FAM184A: variants seen among roughly 807,000 people sequenced by gnomAD.
FAM184A encodes family with sequence similarity 184 member A, also known as protein FAM184A.
FAM184A carries 99 observed loss-of-function variants against 143.8 expected under a neutral mutation model. The observed-to-expected ratio is 0.69, with a 90% CI of 0.58 to 0.81. The LOEUF (loss-of-function observed/expected upper bound fraction) is 0.81, where lower values mean the gene tolerates loss of function less well. Ranked by LOEUF, FAM184A falls within the 40% of genes least tolerant of loss-of-function variation. FAM184A has a pLI of 0.00. For missense variants in FAM184A, 1,217 were observed against 1,310.5 expected (o/e 0.93, Z 1.10); for synonymous variants, 427 against 446.4 (o/e 0.96, Z 0.55).
At chr6:118,989,163 A>AT (rs1435596305) in intron 9 of FAM184A, among the ~76,000 whole-genome samples, 1 of 151,734 alleles carries the variant, frequency 6.6e-6, no homozygotes, top group Admixed American at 6.6e-5. Context: ...GGGTTTCACC[A>AT]TGTTAGCCAG....
chr6:119,015,500 C>A (rs1400459001), intron 5 of FAM184A, among the ~76,000 whole-genome samples: 1 of 152,182 alleles, frequency 6.6e-6, no homozygotes. Context: ...ACTGGGTCCC[C>A]CAGCAGTGCC....
chr6:119,121,896 G>C (rs1789223901), intron 1 of FAM184A, among the ~76,000 whole-genome samples: 1 of 152,114 alleles, frequency 6.6e-6, no homozygotes, highest in African/African-American at 2.4e-5. Context: ...TTTCTATGTA[G>C]ACTCTTGGTA....
intron 1 of FAM184A, among the ~76,000 whole-genome samples, chr6:119,130,623 C>G (rs1789510458): frequency 6.6e-6 from 1 of 152,172 alleles, no homozygotes; most frequent in South Asian, 2.1e-4. Flanking sequence ...TTAAGAAACA[C>G]AGAACTGCCT....
At chr6:119,088,917 T>C (rs1369167560) in intron 1 of FAM184A, among the ~76,000 whole-genome samples, 1 of 152,174 alleles carries the variant, frequency 6.6e-6, no homozygotes, top group Non-Finnish European at 1.5e-5. Flanking sequence ...AGAATCAGAA[T>C]CTTGGTTGGT....
chr6:119,047,239 G>A (rs1282524668), intron 1 of FAM184A, among the ~76,000 whole-genome samples: 2 of 152,114 alleles, frequency 1.3e-5, no homozygotes, highest in African/African-American at 4.8e-5. Context: ...ACAAATGCTG[G>A]CAAGGATATG....
intron 1 of FAM184A, among the ~76,000 whole-genome samples, chr6:119,087,799 G>A (rs1397269391): frequency 3.9e-5 from 6 of 152,162 alleles, no homozygotes; most frequent in Admixed American, 1.3e-4. Context: ...TTTGTACACC[G>A]ATTGTCACAG....
At chr6:119,057,843 GT>G (rs68038422) in intron 1 of FAM184A, 119,466 of 141,044 alleles carry the variant, frequency 0.85, 50,535 homozygotes, top group East Asian at 0.95. Flanking sequence ...TCTCTTCTGT[GT>G]TTTTTTTTTT....
chr6:119,035,213 C>A (rs1356755443), intron 1 of FAM184A, among the ~76,000 whole-genome samples: 1 of 152,176 alleles, frequency 6.6e-6, no homozygotes. Context: ...CCCCAAAGAA[C>A]TGAATGGACT....
rs564339913 is a variant in FAM184A, at chr6:119,064,069, T to C, written c.159+14072A>G. 3.3e-5 allele frequency among the ~76,000 whole-genome samples: 5 copies of C among 152,258 alleles called. No homozygotes were observed. In the East Asian group the frequency reaches 9.7e-4, roughly 29 times the overall value. The stretch of plus-strand genomic sequence containing the variant: ...CTTATCCACCTCTGAAGTCTTCATA[T>C]AGCCTCCTCTCAGGCTACCACTCCT... On this transcript the variant is annotated intron_variant, in intron 1 of 17. Coordinates refer to ENST00000338891, the MANE Select transcript of FAM184A (RefSeq NM_024581.6).
chr6:119,043,117 T>G (rs772318452), intron 1 of FAM184A, among the ~76,000 whole-genome samples: 1 of 151,976 alleles, frequency 6.6e-6, no homozygotes, highest in Non-Finnish European at 1.5e-5. Flanking sequence ...ACCTAGAATG[T>G]AGAAATATAA....
At chr6:118,973,078 A>G (rs185041228) in intron 14 of FAM184A, among the ~76,000 whole-genome samples, 1 of 152,200 alleles carries the variant, frequency 6.6e-6, no homozygotes, top group Non-Finnish European at 1.5e-5. Flanking sequence ...ATGATGGAGA[A>G]AGAATCATAA....
intron 1 of FAM184A, among the ~76,000 whole-genome samples, chr6:119,060,011 TCA>T (rs1787165241): frequency 2.6e-5 from 4 of 152,220 alleles, no homozygotes; most frequent in South Asian, 4.1e-4. Flanking sequence ...CACTAACAAA[TCA>T]CAGTGTATAT....
At chr6:119,136,233 G>T (rs1487876318) in intron 1 of FAM184A, among the ~76,000 whole-genome samples, 1 of 142,020 alleles carries the variant, frequency 7.0e-6, no homozygotes, top group African/African-American at 2.7e-5. Flanking sequence ...AGCCGAGATT[G>T]CGCCACTGCA....
chr6:119,034,688 T>C (rs898952917), intron 1 of FAM184A, among the ~76,000 whole-genome samples: 8 of 152,080 alleles, frequency 5.3e-5, no homozygotes, highest in Non-Finnish European at 1.5e-5. Context: ...CTTTATTTTA[T>C]AGGTTTTTAA....
At chr6:119,097,581 C>T (rs963867601) in intron 1 of FAM184A, among the ~76,000 whole-genome samples, 6 of 152,282 alleles carry the variant, frequency 3.9e-5, no homozygotes, top group Middle Eastern at 3.4e-3. Flanking sequence ...GCTCATAACT[C>T]CCATAGCCCT....
At chr6:119,004,831 C>G (rs1784873184) in intron 7 of FAM184A, among the ~76,000 whole-genome samples, 1 of 151,972 alleles carries the variant, frequency 6.6e-6, no homozygotes, top group African/African-American at 2.4e-5. Context: ...GAAAAAAGAC[C>G]TGAAAGAAAT....
rs1417116088 is a variant in FAM184A, at chr6:119,019,965, C to T, written c.1332+13G>A. 6.5e-7 allele frequency: 1 copy of T among 1,532,792 alleles called. No homozygotes were observed. Among genetic ancestry groups the T allele is most frequent in the African/African-American group, 1.4e-5 (1 of 70,762 alleles). The allele number at this position is 1,532,792 out of a possible 1,614,324, so 94.9% of individuals were successfully genotyped here. A position where few individuals can be genotyped will look rare whatever the true frequency, so the allele number is the denominator to read the frequency against. On this transcript the variant is annotated intron_variant, in intron 4 of 17. Coordinates refer to ENST00000338891, the MANE Select transcript of FAM184A (RefSeq NM_024581.6). ...ACTCTTTCGGGGGGAATGGAGTGTCCATTACTTTTTACCTTCTCCAGTTCT... is the reference window on the plus strand; with the variant it reads ...ACTCTTTCGGGGGGAATGGAGTGTCTATTACTTTTTACCTTCTCCAGTTCT...
intron 9 of FAM184A, among the ~76,000 whole-genome samples, chr6:119,000,216 T>A (rs996459284): frequency 1.2e-4 from 18 of 152,222 alleles, no homozygotes; most frequent in Non-Finnish European, 8.8e-5. Context: ...GAACAAGTGA[T>A]GGCATTTTAA....
chr6:119,146,915 C>CCA (rs906863513), intron 1 of FAM184A, among the ~76,000 whole-genome samples: 3 of 151,956 alleles, frequency 2.0e-5, no homozygotes, highest in South Asian at 4.2e-4. Context: ...TGTGCACCCC[C>CCA]AGGCTTGCAT....
Sources: gnomAD v4.1 joint callset for allele counts (sites outside exome capture counted in the v4.1 genomes callset) on GRCh38, gnomAD v4.1.1 for gene constraint, MANE v1.5 for transcripts, NCBI Gene and HGNC (gene_info 2026-07-23, HGNC 2026-07-21) for gene names.